Variants in SH3RF3 observed in about 807,000 individuals in gnomAD.
The protein encoded by SH3RF3 is E3 ubiquitin-protein ligase SH3RF3.
In SH3RF3, 29 loss-of-function variants were observed where a neutral mutation model predicts 66.3. The ratio of observed to expected loss-of-function variants is 0.44; its 90% CI spans 0.33 to 0.60. SH3RF3 has a LOEUF of 0.60. Among genes scored for constraint, SH3RF3 ranks in the 20% least tolerant of loss-of-function variants. SH3RF3 has a pLI of 0.04. For synonymous variants in SH3RF3, 583 were observed against 532.0 expected (o/e 1.10, Z -1.32); for missense variants, 1,194 against 1,190.9 (o/e 1.00, Z -0.04).
At chr2:109,398,994 T>C in intron 4 of SH3RF3, 51 bp downstream of exon 4, 21 of 1,521,892 alleles carry the variant, frequency 1.4e-5, no homozygotes, top group Admixed American at 1.9e-5. Flanking sequence ...TGGGGTTCTA[T>C]CCTCAGCTCC....
chr2:109,251,462 A>C (rs917511296), intron 1 of SH3RF3: 59 of 731,070 alleles, frequency 8.1e-5, no homozygotes, highest in Non-Finnish European at 1.3e-4. Flanking sequence ...AAATCTATGG[A>C]CAAGAAGTTG....
chr2:109,149,992 C>A (rs559496716), intron 1 of SH3RF3, among the ~76,000 whole-genome samples: 12 of 152,316 alleles, frequency 7.9e-5, no homozygotes, highest in African/African-American at 2.4e-4. Flanking sequence ...GGAACCTCCC[C>A]AAACACTGAT....
chr2:109,286,009 G>A (rs1681022173), intron 1 of SH3RF3, among the ~76,000 whole-genome samples: 1 of 152,214 alleles, frequency 6.6e-6, no homozygotes, highest in Non-Finnish European at 1.5e-5. Context: ...GGACACATCA[G>A]AGGCTGGTGG....
At chr2:109,154,090 C>T (rs2104881302) in intron 1 of SH3RF3, among the ~76,000 whole-genome samples, 1 of 152,268 alleles carries the variant, frequency 6.6e-6, no homozygotes. Context: ...TGTCAATATG[C>T]TGTGGTTGCC....
intron 3 of SH3RF3, among the ~76,000 whole-genome samples, chr2:109,394,344 C>T (rs568289072): frequency 1.3e-5 from 2 of 152,232 alleles, no homozygotes; most frequent in East Asian, 3.9e-4. Context: ...CCTGGCCCAA[C>T]CTTTACTGTC....
intron 2 of SH3RF3, among the ~76,000 whole-genome samples, chr2:109,359,982 A>G (rs1683022071): frequency 6.6e-6 from 1 of 152,062 alleles, no homozygotes; most frequent in Admixed American, 6.5e-5. Flanking sequence ...AATATTTTTA[A>G]AAGCCATCCA....
At chr2:109,315,758 T>C (rs1364637032) in intron 1 of SH3RF3, among the ~76,000 whole-genome samples, 2 of 152,212 alleles carry the variant, frequency 1.3e-5, no homozygotes. Flanking sequence ...ATTGTGACAT[T>C]TAGAGTATTC....
At chr2:109,387,341 C>T (rs527588372) in intron 3 of SH3RF3, among the ~76,000 whole-genome samples, 69 of 152,270 alleles carry the variant, frequency 4.5e-4, no homozygotes, top group African/African-American at 1.2e-3. Flanking sequence ...TAGAGCCCTC[C>T]GGTTCCCCAT....
At position 109,503,846 on chromosome 2, in the gene SH3RF3, C is replaced by T. The variant is rs1056285851; in HGVS notation, c.*2175C>T. On this transcript the variant is annotated 3_prime_UTR_variant, in exon 10 of 10. Coordinates refer to ENST00000309415, the MANE Select transcript of SH3RF3 (RefSeq NM_001099289.3). ...TCAGGTAGAAATGTGCTTCACCCTC[C>T]TGGTGGGGGGCGAGGACACAGCCCA... 1 of 152,182 alleles carries T rather than the reference C, an allele frequency of 6.6e-6. No homozygotes were observed. Among genetic ancestry groups the T allele is most frequent in the African/African-American group, 2.4e-5 (1 of 41,402 alleles). The allele number at this position is 152,182 out of a possible 1,614,324, so 9.4% of individuals were successfully genotyped here.
At chr2:109,401,420 A>T (rs1676309727) in intron 4 of SH3RF3, among the ~76,000 whole-genome samples, 1 of 152,106 alleles carries the variant, frequency 6.6e-6, no homozygotes, top group Non-Finnish European at 1.5e-5. Flanking sequence ...GGCCACTCTC[A>T]CTGTAGTCAG....
At chr2:109,485,072 T>G (rs1444354794) in intron 8 of SH3RF3, among the ~76,000 whole-genome samples, 1 of 152,236 alleles carries the variant, frequency 6.6e-6, no homozygotes, top group Admixed American at 6.5e-5. Flanking sequence ...TTCTGCAGAT[T>G]GAGGTTCTCA....
chr2:109,147,441 ACAT>A (rs1240622183), intron 1 of SH3RF3, among the ~76,000 whole-genome samples: 1 of 152,338 alleles, frequency 6.6e-6, no homozygotes, highest in African/African-American at 2.4e-5. Context: ...TACTAGAGAA[ACAT>A]CATATCTGTG....
At chr2:109,377,387 C>G (rs1683412953) in intron 3 of SH3RF3, among the ~76,000 whole-genome samples, 1 of 152,102 alleles carries the variant, frequency 6.6e-6, no homozygotes, top group Admixed American at 6.5e-5. Flanking sequence ...TGTCTGCTAA[C>G]CCAGAAAAAG....
At chr2:109,474,019 G>A (rs1573281932) in intron 8 of SH3RF3, among the ~76,000 whole-genome samples, 1 of 152,160 alleles carries the variant, frequency 6.6e-6, no homozygotes, top group Non-Finnish European at 1.5e-5. Flanking sequence ...GGGCTTTGAT[G>A]CTGGAGACTT....
intron 8 of SH3RF3, among the ~76,000 whole-genome samples, chr2:109,482,798 C>T (rs72949168): frequency 0.014 from 2,072 of 152,310 alleles, 46 homozygotes; most frequent in African/African-American, 0.046. Flanking sequence ...GAGAGCAACA[C>T]GATGCGGCGG....
intron 3 of SH3RF3, among the ~76,000 whole-genome samples, chr2:109,396,151 A>G (rs56914908): frequency 0.07 from 10,690 of 152,226 alleles, 1,216 homozygotes; most frequent in African/African-American, 0.24. Context: ...TGGGCAGAGA[A>G]CACTGGGGTC....
At chr2:109,418,955 G>A (rs1444244894) in intron 4 of SH3RF3, among the ~76,000 whole-genome samples, 1 of 152,100 alleles carries the variant, frequency 6.6e-6, no homozygotes, top group Non-Finnish European at 1.5e-5. Context: ...TGTCCCCAGA[G>A]AGCACAGCGC....
chr2:109,358,559 A>G (rs1006593188), intron 2 of SH3RF3, among the ~76,000 whole-genome samples: 2 of 152,172 alleles, frequency 1.3e-5, no homozygotes, highest in African/African-American at 2.4e-5. Flanking sequence ...TCATCAACAC[A>G]CTACACACTA....
chr2:109,137,741 C>T (rs1339738443), intron 1 of SH3RF3, among the ~76,000 whole-genome samples: 1 of 152,238 alleles, frequency 6.6e-6, no homozygotes, highest in Non-Finnish European at 1.5e-5. Context: ...TCTCATTAGA[C>T]ACCACCCGTC....
Sources: allele counts gnomAD v4.1 joint callset (sites outside exome capture counted in the v4.1 genomes callset), GRCh38; gene constraint gnomAD v4.1.1; transcripts MANE v1.5; gene names NCBI Gene and HGNC (gene_info 2026-07-23, HGNC 2026-07-21).